Variants in POU2F1 observed in about 807,000 individuals in gnomAD.
POU2F1 encodes POU domain, class 2, transcription factor 1.
A neutral mutation model predicts 84.9 loss-of-function variants in POU2F1; 16 were observed. The observed-to-expected ratio is 0.19, with a 90% CI of 0.13 to 0.29. The LOEUF is 0.29. Among genes scored for constraint, POU2F1 ranks in the 10% least tolerant of loss-of-function variants. POU2F1 has a pLI of 1.00. For missense variants in POU2F1, 738 were observed against 942.6 expected, an observed-to-expected ratio of 0.78 and a Z score of 2.84; for synonymous variants, 368 against 368.3, an observed-to-expected ratio of 1.00 and a Z score of 0.01.
intron 9 of POU2F1, among the ~76,000 whole-genome samples, chr1:167,394,637 G>A (rs1199386455): frequency 1.3e-5 from 2 of 152,178 alleles, no homozygotes; most frequent in African/African-American, 4.8e-5. Context: ...CTGAAGAACT[G>A]AATTTTTAAT....
chr1:167,301,743 G>A (rs1654716311), intron 1 of POU2F1, among the ~76,000 whole-genome samples: 1 of 152,190 alleles, frequency 6.6e-6, no homozygotes, highest in Non-Finnish European at 1.5e-5. Context: ...GGAGGGTTTG[G>A]TGGATGTGTT....
At chr1:167,315,301 G>A (rs1655805396) in intron 1 of POU2F1, among the ~76,000 whole-genome samples, 1 of 152,206 alleles carries the variant, frequency 6.6e-6, no homozygotes, top group African/African-American at 2.4e-5. Context: ...TATGTATACA[G>A]ATGTGCTTTA....
chr1:167,361,669 A>G lies in POU2F1; in HGVS notation c.128-3798A>G, dbSNP rs909925849. Among the ~76,000 whole-genome samples the G allele has an allele frequency of 2.6e-5, 4 of 152,066 alleles. No homozygotes were observed. In the South Asian group the frequency reaches 8.3e-4, roughly 32 times the overall value. On this transcript the variant is annotated intron_variant, in intron 2 of 15. Coordinates refer to ENST00000367866, the MANE Select transcript of POU2F1 (RefSeq NM_002697.4). Reference sequence around the variant, plus strand: ...ATCATTGCCAGATTTAGGTATCAAGATGATGCTGCTTTCATAGAAGAAGTT... The same window carrying G: ...ATCATTGCCAGATTTAGGTATCAAGGTGATGCTGCTTTCATAGAAGAAGTT...
intron 1 of POU2F1, among the ~76,000 whole-genome samples, chr1:167,246,423 T>C (rs1175239591): frequency 6.6e-6 from 1 of 152,238 alleles, no homozygotes; most frequent in East Asian, 1.9e-4. Flanking sequence ...ATCTTCTATA[T>C]TGTTCCTTGT....
chr1:167,383,676 T>C, intron 7 of POU2F1, 181 bp from the exon 8 acceptor site: 1 of 544,178 alleles, frequency 1.8e-6, no homozygotes, highest in East Asian at 3.2e-5. Context: ...GTATATCTTC[T>C]CTTCCAAGTT....
intron 2 of POU2F1, 79 bp downstream of exon 2, chr1:167,332,614 T>C (rs1016511937): frequency 7.3e-5 from 88 of 1,212,938 alleles, no homozygotes; most frequent in Non-Finnish European, 8.7e-5. Context: ...CTAGGACTTG[T>C]ATTTGGCAAA....
At chr1:167,239,062 T>C (rs1043217503) in intron 1 of POU2F1, among the ~76,000 whole-genome samples, 13 of 152,198 alleles carry the variant, frequency 8.5e-5, no homozygotes, top group African/African-American at 3.1e-4. Context: ...TGGTGTAAGG[T>C]GTAACCCTGA....
At chr1:167,359,138 C>G (rs12749045) in intron 2 of POU2F1, among the ~76,000 whole-genome samples, 2,212 of 151,806 alleles carry the variant, frequency 0.015, 21 homozygotes, top group South Asian at 0.026. Context: ...TTAAACCACT[C>G]CATCCTTGTA....
chr1:167,252,543 G>A (rs1650808234), intron 1 of POU2F1, among the ~76,000 whole-genome samples: 1 of 152,204 alleles, frequency 6.6e-6, no homozygotes, highest in Non-Finnish European at 1.5e-5. Flanking sequence ...TTTTCTCACT[G>A]AAGGGGAACC....
chr1:167,228,779 A>G (rs1194532031), intron 1 of POU2F1, among the ~76,000 whole-genome samples: 3 of 152,172 alleles, frequency 2.0e-5, no homozygotes, highest in Non-Finnish European at 4.4e-5. Context: ...ATCTTGTTTT[A>G]TGTGGGCCAC....
At chr1:167,349,826 A>G (rs1658439373) in intron 2 of POU2F1, among the ~76,000 whole-genome samples, 1 of 152,188 alleles carries the variant, frequency 6.6e-6, no homozygotes, top group Admixed American at 6.5e-5. Context: ...AGCAAAAATA[A>G]TTGTTTCATT....
intron 2 of POU2F1, chr1:167,338,156 A>G: frequency 8.5e-6 from 4 of 467,912 alleles, no homozygotes; most frequent in South Asian, 1.5e-5. Flanking sequence ...GTCTTCTGCC[A>G]TTTCTGAGTC....
intron 1 of POU2F1, 55 bp downstream of exon 1, chr1:167,221,013 T>C: frequency 7.4e-7 from 1 of 1,351,978 alleles, no homozygotes. Context: ...CGGCTCCCGC[T>C]GCCCCCCCCC....
chr1:167,374,289 T>A lies in POU2F1; in HGVS notation c.584T>A (p.Ile195Asn). 9 of 1,593,456 alleles carry A rather than the reference T, an allele frequency of 5.6e-6. No homozygotes were observed. Among genetic ancestry groups the A allele is most frequent in the African/African-American group, 1.3e-5 (1 of 74,108 alleles). The part of the protein sequence containing the change: ...TQIPLSQPIQ[I>N]AQDLQQLQQL... ...ATCCCCCTGTCTCAGCCCATACAGATCGCACAGGTGAGTGAGGAACTCCAA... is the reference window on the plus strand; with the variant it reads ...ATCCCCCTGTCTCAGCCCATACAGAACGCACAGGTGAGTGAGGAACTCCAA... The change falls in exon 6 of 16, where the codon ATC becomes AAC. Residue 195 changes from isoleucine (I) to asparagine (N), a missense_variant. Coordinates refer to ENST00000367866, the MANE Select transcript of POU2F1 (RefSeq NM_002697.4).
intron 2 of POU2F1, among the ~76,000 whole-genome samples, chr1:167,361,047 T>G (rs544017995): frequency 2.6e-5 from 4 of 152,238 alleles, no homozygotes; most frequent in Non-Finnish European, 5.9e-5. Flanking sequence ...ATAGGAATGC[T>G]ACTGATTTTT....
At chr1:167,324,255 A>G (rs964951824) in intron 1 of POU2F1, among the ~76,000 whole-genome samples, 3 of 144,016 alleles carry the variant, frequency 2.1e-5, no homozygotes, top group Non-Finnish European at 4.4e-5. Flanking sequence ...TTTTTAATCT[A>G]TGAGACATGA....
intron 3 of POU2F1, among the ~76,000 whole-genome samples, chr1:167,366,039 G>A (rs907384054): frequency 3.3e-4 from 50 of 152,172 alleles, no homozygotes; most frequent in Admixed American, 3.3e-3. Flanking sequence ...CCTAGTTTGA[G>A]GTTCAAAAGA....
chr1:167,303,173 T>G (rs1654836968), intron 1 of POU2F1, among the ~76,000 whole-genome samples: 1 of 151,978 alleles, frequency 6.6e-6, no homozygotes, highest in African/African-American at 2.4e-5. Context: ...AAATGCACCC[T>G]TTAAAAAAAA....
At chr1:167,288,174 A>G (rs1286687997) in intron 1 of POU2F1, among the ~76,000 whole-genome samples, 1 of 152,228 alleles carries the variant, frequency 6.6e-6, no homozygotes, top group Non-Finnish European at 1.5e-5. Flanking sequence ...TAATGAGCAG[A>G]TATATTGGTA....
Sources: allele counts gnomAD v4.1 joint callset (sites outside exome capture counted in the v4.1 genomes callset), GRCh38; gene constraint gnomAD v4.1.1; transcripts MANE v1.5; gene names NCBI Gene and HGNC (gene_info 2026-07-23, HGNC 2026-07-21).